Variants in SORCS1 observed in about 807,000 individuals in gnomAD.
SORCS1 encodes the protein VPS10 domain-containing receptor SorCS1.
SORCS1 carries 60 observed loss-of-function variants against 146.1 expected under a neutral mutation model. The ratio of observed to expected loss-of-function variants is 0.41; its 90% CI spans 0.33 to 0.51. The LOEUF (loss-of-function observed/expected upper bound fraction) is 0.51. SORCS1 is among the 20% of genes least tolerant of loss of function. The pLI is 0.21. For synonymous variants in SORCS1, 637 were observed against 584.0 expected, an observed-to-expected ratio of 1.09 and a Z score of -1.31; for missense variants, 1,352 against 1,487.6, an observed-to-expected ratio of 0.91 and a Z score of 1.50.
At chr10:106,732,046 C>T (rs1166912491) in intron 5 of SORCS1, among the ~76,000 whole-genome samples, 2 of 152,162 alleles carry the variant, frequency 1.3e-5, no homozygotes, top group Non-Finnish European at 2.9e-5. Context: ...TTTTCCAACT[C>T]AAAGAAGCTG....
At chr10:106,701,633 G>C (rs1486592515) in intron 8 of SORCS1, among the ~76,000 whole-genome samples, 1 of 152,118 alleles carries the variant, frequency 6.6e-6, no homozygotes, top group Non-Finnish European at 1.5e-5. Flanking sequence ...CATTTTTTTG[G>C]TCCCTAAATG....
intron 2 of SORCS1, among the ~76,000 whole-genome samples, chr10:106,933,905 C>A (rs542270365): frequency 6.6e-6 from 1 of 152,136 alleles, no homozygotes; most frequent in South Asian, 2.1e-4. Context: ...ACCAGCCTGG[C>A]CAACATGGCG....
At chr10:106,912,067 C>G (rs1952187910) in intron 2 of SORCS1, among the ~76,000 whole-genome samples, 1 of 151,054 alleles carries the variant, frequency 6.6e-6, no homozygotes, top group Non-Finnish European at 1.5e-5. Context: ...GAGCTGAGAT[C>G]CTGCCACTGC....
rs577570574 is a variant in SORCS1, at chr10:107,147,497, T to C, written c.558+16472A>G. Reference sequence around the variant, plus strand: ...TGATCTGAATCTACGCTTCTTTCTCTCTCTCTCTGTCTCTCTGTCTCTCTT... The same window carrying C: ...TGATCTGAATCTACGCTTCTTTCTCCCTCTCTCTGTCTCTCTGTCTCTCTT... On this transcript the variant is annotated intron_variant, in intron 1 of 25. Transcript: ENST00000263054. Among the ~76,000 whole-genome samples the C allele has an allele frequency of 2.0e-5, 3 of 152,276 alleles. No individual in the cohort carries two copies. The East Asian group carries it at 5.8e-4, about 29-fold the overall frequency.
At chr10:107,145,147 G>C (rs1466719663) in intron 1 of SORCS1, among the ~76,000 whole-genome samples, 3 of 152,344 alleles carry the variant, frequency 2.0e-5, no homozygotes, top group Admixed American at 6.5e-5. Context: ...GTGGGTGGTA[G>C]TGGGAGATGA....
chr10:106,782,470 G>A (rs1051597259), intron 3 of SORCS1, among the ~76,000 whole-genome samples: 1 of 152,092 alleles, frequency 6.6e-6, no homozygotes, highest in African/African-American at 2.4e-5. Context: ...CTTCATATGT[G>A]TGTTAATTGC....
chr10:107,163,943 T>C, intron 1 of SORCS1, 26 bp downstream of exon 1: 1 of 1,597,924 alleles, frequency 6.3e-7, no homozygotes, highest in Non-Finnish European at 8.6e-7. Context: ...TTTCCACCCC[T>C]TTACCCTCAG....
At position 106,599,692 on chromosome 10, in the gene SORCS1, G is replaced by A. The variant is rs1338868442; in HGVS notation, c.3166-2242C>T. On this transcript the variant is annotated intron_variant, in intron 23 of 25. Coordinates refer to ENST00000263054, the MANE Select transcript of SORCS1 (RefSeq NM_052918.5). ...TGCCAAATTTATCACATGGACTAAA[G>A]GGAACTACATGTATTTGTGGGAGAA... Among the ~76,000 whole-genome samples the A allele has an allele frequency of 5.3e-5, 8 of 152,098 alleles. No homozygotes were observed. The East Asian group carries it at 1.3e-3, about 26-fold the overall frequency.
rs191100949 is a variant in SORCS1 at position 106,981,888 on chromosome 10, A to G, written c.559-25308T>C. On this transcript the variant is annotated intron_variant, in intron 1 of 25. Coordinates refer to ENST00000263054, the MANE Select transcript of SORCS1 (RefSeq NM_052918.5). ...GTGTCTATTAGGGTTTGAAGTCTTCATGGATCTCCTAAGAGAAGCCCACGA... is the reference window on the plus strand; with the variant it reads ...GTGTCTATTAGGGTTTGAAGTCTTCGTGGATCTCCTAAGAGAAGCCCACGA... Among the ~76,000 whole-genome samples the G allele has an allele frequency of 2.0e-5, 3 of 152,300 alleles. No individual in the cohort carries two copies. The East Asian group carries it at 5.8e-4, about 29-fold the overall frequency.
intron 24 of SORCS1, 84 bp downstream of exon 24, chr10:106,597,267 T>C: frequency 1.9e-6 from 2 of 1,072,196 alleles, no homozygotes; most frequent in Admixed American, 1.9e-5. Flanking sequence ...TGTTACCATC[T>C]AGCCTTTTTA....
intron 2 of SORCS1, among the ~76,000 whole-genome samples, chr10:106,933,936 A>C (rs1404666815): frequency 6.6e-6 from 1 of 152,058 alleles, no homozygotes; most frequent in Non-Finnish European, 1.5e-5. Flanking sequence ...TCTACTAAAA[A>C]TACAAAAATT....
chr10:106,891,607 C>T (rs1345979950), intron 2 of SORCS1, among the ~76,000 whole-genome samples: 1 of 151,044 alleles, frequency 6.6e-6, no homozygotes, highest in Non-Finnish European at 1.5e-5. Flanking sequence ...TCAAGTGATC[C>T]TCCCACTTTG....
chr10:106,676,737 T>C (rs1852057829), intron 13 of SORCS1, among the ~76,000 whole-genome samples: 1 of 152,172 alleles, frequency 6.6e-6, no homozygotes, highest in Non-Finnish European at 1.5e-5. Context: ...CTGATGTTTA[T>C]GGTTTCTTTG....
chr10:107,014,237 G>A (rs1250914627), intron 1 of SORCS1, among the ~76,000 whole-genome samples: 1 of 131,756 alleles, frequency 7.6e-6, no homozygotes, highest in African/African-American at 3.1e-5. Context: ...GGACCAGACA[G>A]AGGGAGACCC....
At position 107,164,388 on chromosome 10, in the gene SORCS1, G is replaced by C; in HGVS notation, c.139C>G (p.Pro47Ala). The change falls in exon 1 of 26, where the codon CCA (proline) becomes GCA (alanine). Residue 47 changes from proline (P) to alanine (A), a missense_variant. Pro to Ala is a conservative substitution (Grantham distance 27). Around this residue, in one of 3 missense-constraint regions of SORCS1, gnomAD observed 490 missense variants for 489.1 expected, o/e 1.00. Transcript: ENST00000263054. The surrounding 1 kb of genome is among the most constrained non-coding windows in gnomAD (Gnocchi z 6.8). The stretch of plus-strand genomic sequence containing the variant: ...CCCCTAGGGGTCGAGGCCGAGCGTG[G>C]AGCGGAGCTGGGGTGCGGCGAGGGG... ...CCPSPHPSSA[P>A]RSASTPRGFS... 1 of 1,457,462 alleles carries C rather than the reference G, an allele frequency of 6.9e-7. No homozygotes were observed. The allele number at this position is 1,457,462 out of a possible 1,614,324, so 90.3% of individuals were successfully genotyped here.
At chr10:106,586,861 C>G (rs567029454) in intron 24 of SORCS1, among the ~76,000 whole-genome samples, 31 of 152,232 alleles carry the variant, frequency 2.0e-4, no homozygotes, top group African/African-American at 7.2e-4. Context: ...GAGGCTGAGG[C>G]AGACAGATCG....
At position 106,762,386 on chromosome 10, in the gene SORCS1, C is replaced by CTTTTTTTTTTTTTTTTT. The variant is rs869195563; in HGVS notation, c.886-742_886-726dup. On this transcript the variant is annotated intron_variant, in intron 4 of 25. Transcript: ENST00000263054. ...TTCTTTCTAAGTCTTTTTTATTATT[C>CTTTTTTTTTTTTTTTTT]TTTTTTTTTTTTTTTTTTTTTTTTG... 3.8e-4 allele frequency among the ~76,000 whole-genome samples: 28 copies of CTTTTTTTTTTTTTTTTT among 73,830 alleles called. 1 individual carries two copies. Among genetic ancestry groups the CTTTTTTTTTTTTTTTTT allele is most frequent in the East Asian group, 1.9e-3 (4 of 2,060 alleles). The allele number at this position is 73,830 out of a possible 152,430, so 48.4% of individuals were successfully genotyped here.
At chr10:106,957,413 C>T (rs1052550537) in intron 1 of SORCS1, among the ~76,000 whole-genome samples, 7 of 151,930 alleles carry the variant, frequency 4.6e-5, no homozygotes, top group African/African-American at 1.7e-4. Flanking sequence ...CTCAGGTGAT[C>T]CACCTGCCTC....
chr10:107,001,365 C>G (rs1160984741), intron 1 of SORCS1, among the ~76,000 whole-genome samples: 1 of 152,032 alleles, frequency 6.6e-6, no homozygotes, highest in East Asian at 1.9e-4. Flanking sequence ...CGTTTCAGAC[C>G]AATTACTCCA....
Sources: gnomAD v4.1 joint callset for allele counts (sites outside exome capture counted in the v4.1 genomes callset) on GRCh38, gnomAD v4.1.1 for gene constraint, gnomAD v4.1.1 regional missense constraint, Gnocchi (gnomAD v3.1) non-coding constraint, MANE v1.5 for transcripts, NCBI Gene and HGNC (gene_info 2026-07-23, HGNC 2026-07-21) for gene names.